The following CFAP61 variants were observed in gnomAD, a reference collection of about 807,000 sequenced individuals.
CFAP61 encodes the protein cilia and flagella associated protein 61.
CFAP61 carries 107 observed loss-of-function variants against 135.6 expected under a neutral mutation model. That is an observed-to-expected ratio of 0.79 (90% CI 0.67 to 0.93). CFAP61 has a LOEUF of 0.93. CFAP61 is among the 40% of genes least tolerant of loss of function. CFAP61 has a pLI of 0.00. For synonymous variants in CFAP61, 575 were observed against 578.5 expected (o/e 0.99, Z 0.09); for missense variants, 1,507 against 1,556.2 (o/e 0.97, Z 0.53).
In CFAP61 at chr20:20,240,656, T is replaced by TA. The variant is rs2049954576; in HGVS notation, c.2061-5460dup. On this transcript the variant is annotated intron_variant, in intron 18 of 26. Coordinates refer to ENST00000245957, the MANE Select transcript of CFAP61 (RefSeq NM_015585.4). ...TCCTTCCTCCATGAGTCAATGAAAATAGAGACTTCTAATTGCCTCCCAGTA... is the reference window on the plus strand; with the variant it reads ...TCCTTCCTCCATGAGTCAATGAAAATAAGAGACTTCTAATTGCCTCCCAGTA... 2.6e-5 allele frequency among the ~76,000 whole-genome samples: 4 copies of TA among 151,938 alleles called. No homozygotes were observed. The South Asian group carries it at 8.3e-4, about 32-fold the overall frequency.
rs1423198725 is a variant in CFAP61 at position 20,166,386 on chromosome 20, C to T, written c.1206-11C>T. ...GCAGGGCACTGACAGTGCTTACTGTCTTGTTTACAGGTCGCTGGATTTTAT... is the reference window on the plus strand; with the variant it reads ...GCAGGGCACTGACAGTGCTTACTGTTTTGTTTACAGGTCGCTGGATTTTAT... On this transcript the variant is annotated splice_polypyrimidine_tract_variant and intron_variant, in intron 11 of 26. Transcript: ENST00000245957. 6 of 1,612,840 alleles carry T rather than the reference C, an allele frequency of 3.7e-6. No homozygotes were observed. The African/African-American group carries it at 4.0e-5, about 11-fold the overall frequency.
chr20:20,348,980 T>TGA (rs2058739213), intron 26 of CFAP61, among the ~76,000 whole-genome samples: 2 of 152,116 alleles, frequency 1.3e-5, no homozygotes, highest in Non-Finnish European at 2.9e-5. Flanking sequence ...AGCATGGTTT[T>TGA]GGAAGTTCTA....
At chr20:20,091,087 A>T in intron 7 of CFAP61, 111 bp downstream of exon 7, 4 of 1,237,168 alleles carry the variant, frequency 3.2e-6, no homozygotes, top group Non-Finnish European at 4.6e-6. Flanking sequence ...CTCCCTGGCC[A>T]CCCCGGCCCT....
chr20:20,075,556 T>C lies in CFAP61; in HGVS notation c.507T>C (p.Phe169=), dbSNP rs2045990655. The C allele has an allele frequency of 2.5e-6, 4 of 1,614,046 alleles. No individual in the cohort carries two copies. Among genetic ancestry groups the C allele is most frequent in the Non-Finnish European group, 2.5e-6 (3 of 1,179,992 alleles). ...NIPCLTYEED[F]AVHICHRHSH... is the part of the protein sequence containing the mutation. ...CGTGTCTGACGTATGAGGAAGACTT[T>C]GCAGTGCATATATGTCACAGGCACA... is the stretch of plus-strand genomic sequence containing the variant. Residue 169 remains phenylalanine (F), a synonymous_variant, in exon 6 of 27, where the codon TTT becomes TTC. Coordinates refer to ENST00000245957, the MANE Select transcript of CFAP61 (RefSeq NM_015585.4).
At chr20:20,331,694 T>C (rs6035607) in intron 25 of CFAP61, among the ~76,000 whole-genome samples, 145,795 of 152,238 alleles carry the variant, frequency 0.96, 70,133 homozygotes, top group East Asian at 1. Context: ...TCACAAAAGG[T>C]CATTCTCTCT....
chr20:20,323,387 GC>G, intron 25 of CFAP61: 1 of 812,022 alleles, frequency 1.2e-6, no homozygotes, highest in Non-Finnish European at 1.5e-6. Flanking sequence ...GAATTCAAAT[GC>G]CCAGAAACCA....
intron 20 of CFAP61, among the ~76,000 whole-genome samples, chr20:20,256,539 A>T (rs1041428611): frequency 6.6e-6 from 1 of 152,222 alleles, no homozygotes; most frequent in African/African-American, 2.4e-5. Flanking sequence ...AAGGCCACAC[A>T]TAAAAAAGGA....
intron 9 of CFAP61, among the ~76,000 whole-genome samples, chr20:20,153,003 T>C (rs912387265): frequency 1.2e-4 from 18 of 151,850 alleles, no homozygotes; most frequent in Non-Finnish European, 5.9e-5. Context: ...CTTAAGAAAA[T>C]TGAAATTATA....
chr20:20,337,274 GT>G (rs2058232216), intron 25 of CFAP61, among the ~76,000 whole-genome samples: 1 of 98,864 alleles, frequency 1.0e-5, no homozygotes, highest in Admixed American at 1.3e-4. Context: ...GAATGGGTGG[GT>G]GGATGGATGG....
intron 17 of CFAP61, among the ~76,000 whole-genome samples, chr20:20,210,012 T>C (rs1892650231): frequency 6.6e-6 from 1 of 152,166 alleles, no homozygotes; most frequent in African/African-American, 2.4e-5. Context: ...TTGTGTTCCC[T>C]GGAGCTACGT....
chr20:20,220,881 A>T (rs962356198), intron 17 of CFAP61, among the ~76,000 whole-genome samples: 2 of 152,104 alleles, frequency 1.3e-5, no homozygotes, highest in Admixed American at 1.3e-4. Flanking sequence ...TTTCATGGGG[A>T]TATAGAGCTT....
intron 9 of CFAP61, among the ~76,000 whole-genome samples, chr20:20,143,853 A>G (rs2424272): frequency 0.92 from 140,274 of 152,296 alleles, 65,515 homozygotes; most frequent in Middle Eastern, 0.99. Context: ...AGTGCTGATC[A>G]CACCAGGCAT....
chr20:20,169,890 T>TTA (rs978549937), intron 13 of CFAP61, among the ~76,000 whole-genome samples: 13 of 152,360 alleles, frequency 8.5e-5, no homozygotes, highest in African/African-American at 2.9e-4. Flanking sequence ...GAAACTTTTT[T>TTA]TATACTCTAT....
intron 21 of CFAP61, 124 bp from the exon 22 acceptor site, chr20:20,277,042 A>G: frequency 1.4e-6 from 1 of 706,714 alleles, no homozygotes; most frequent in East Asian, 2.7e-5. Flanking sequence ...GCTAGGTAAC[A>G]CCGCTGGCTT....
At chr20:20,210,458 T>G (rs1363007450) in intron 17 of CFAP61, among the ~76,000 whole-genome samples, 1 of 152,244 alleles carries the variant, frequency 6.6e-6, no homozygotes, top group Non-Finnish European at 1.5e-5. Flanking sequence ...CAGCACAGAA[T>G]TGACGCATTT....
chr20:20,354,050 G>T (rs1032767887), intron 26 of CFAP61, among the ~76,000 whole-genome samples: 2 of 152,102 alleles, frequency 1.3e-5, no homozygotes, highest in Non-Finnish European at 2.9e-5. Context: ...ATTCAAAATA[G>T]CCAGGACATG....
At chr20:20,324,204 CTTAAGA>C (rs1352538705) in intron 25 of CFAP61, among the ~76,000 whole-genome samples, 1 of 152,078 alleles carries the variant, frequency 6.6e-6, no homozygotes, top group Non-Finnish European at 1.5e-5. Context: ...CTTCACAGAG[CTTAAGA>C]TTAAGTAGGA....
intron 2 of CFAP61, 38 bp from the exon 3 acceptor site, chr20:20,070,816 A>G: frequency 1.9e-6 from 3 of 1,585,314 alleles, no homozygotes; most frequent in Middle Eastern, 1.7e-4. Context: ...CACTTTTTGT[A>G]ATCTTATTCA....
At chr20:20,075,943 T>G (rs972720) in intron 6 of CFAP61, among the ~76,000 whole-genome samples, 15,571 of 152,074 alleles carry the variant, frequency 0.1, 2,691 homozygotes, top group African/African-American at 0.35. Flanking sequence ...CCTATTCAGT[T>G]TTCTCGGTAA....
Sources: gnomAD v4.1 joint callset for allele counts (sites outside exome capture counted in the v4.1 genomes callset) on GRCh38, gnomAD v4.1.1 for gene constraint, MANE v1.5 for transcripts, NCBI Gene and HGNC (gene_info 2026-07-23, HGNC 2026-07-21) for gene names.